Variants in ZSCAN12 observed in about 807,000 individuals in gnomAD.
ZSCAN12 encodes the protein zinc finger and SCAN domain containing 12.
In ZSCAN12, 18 loss-of-function variants were observed where a neutral mutation model predicts 23.4. The observed-to-expected ratio is 0.77, with a 90% CI of 0.53 to 1.14. The LOEUF (loss-of-function observed/expected upper bound fraction) is 1.14, where lower values mean the gene tolerates loss of function less well. Among genes scored for constraint, ZSCAN12 ranks in the 50% most tolerant of loss-of-function variants. The pLI is 0.00. For synonymous variants in ZSCAN12, 186 were observed against 253.4 expected (o/e 0.73, Z 2.53); for missense variants, 650 against 735.0 (o/e 0.88, Z 1.34).
At position 28,391,456 on chromosome 6, in the gene ZSCAN12, G is replaced by A. The variant is rs1350037243; in HGVS notation, c.834C>T (p.Asp278=). The change falls in exon 4 of 4, where the codon GAC becomes GAT. Residue 278 remains aspartate (D), a synonymous_variant. Transcript: ENST00000684592. This position sits in a 1 kb window ranked among gnomAD's most constrained non-coding sequence, Gnocchi z 4.1. ...AGTGCTGACTAAAAGCTTTTCCACAGTCATCACATCCGTAAGATTCTTCTC... is the reference window on the plus strand; with the variant it reads ...AGTGCTGACTAAAAGCTTTTCCACAATCATCACATCCGTAAGATTCTTCTC... The part of the protein sequence containing the change: ...CPGEESYGCD[D]CGKAFSQHSH... 1 of 1,551,748 alleles carries A rather than the reference G, an allele frequency of 6.4e-7. No homozygotes were observed. Among genetic ancestry groups the A allele is most frequent in the Admixed American group, 2.0e-5 (1 of 50,986 alleles).
At chr6:28,383,589 C>T (rs1038345874), downstream of ZSCAN12, among the ~76,000 whole-genome samples, 1 of 152,180 alleles carries the variant, frequency 6.6e-6, no homozygotes, top group African/African-American at 2.4e-5. Context: ...CGCGTCAGAC[C>T]CGTGCGAGGC....
At position 28,387,921 on chromosome 6, in the gene ZSCAN12, T is replaced by C. The variant is rs1760631037; in HGVS notation, c.*2533A>G. On this transcript the variant is annotated 3_prime_UTR_variant, in exon 4 of 4. Transcript: ENST00000684592. The stretch of plus-strand genomic sequence containing the variant: ...GACTTAAGATGGTACTTTAGGACAG[T>C]AGTCTACCATCGTCTCAGTTTGCTG... Among the ~76,000 whole-genome samples the C allele has an allele frequency of 6.6e-6, 1 of 152,200 alleles. No individual in the cohort carries two copies. The highest frequency in any genetic ancestry group is 2.1e-4 in the South Asian group (1 of 4,830).
chr6:28,395,462 T>C (rs1261049465), intron 2 of ZSCAN12, among the ~76,000 whole-genome samples: 2 of 152,216 alleles, frequency 1.3e-5, no homozygotes, highest in African/African-American at 4.8e-5. Context: ...CCACTCCCAC[T>C]GCTACTATTC....
At chr6:28,396,019 A>AT (rs70983941) in intron 2 of ZSCAN12, among the ~76,000 whole-genome samples, 28,812 of 132,130 alleles carry the variant, frequency 0.22, 3,516 homozygotes, top group South Asian at 0.33. Flanking sequence ...GTGTTTGTTG[A>AT]TTTTTTTTTT....
chr6:28,383,981 G>T (rs1023476420), downstream of ZSCAN12, among the ~76,000 whole-genome samples: 47 of 152,156 alleles, frequency 3.1e-4, no homozygotes, highest in African/African-American at 1.1e-3. Context: ...CTAACACTTC[G>T]TAAACTCATT....
In ZSCAN12 at chr6:28,398,761, CAA is replaced by C. The variant is rs775480746; in HGVS notation, c.-68-290_-68-289del. On this transcript the variant is annotated intron_variant, in intron 1 of 3. Transcript: ENST00000684592. ...TGAAACCCCGTCTCTACTAAAAATA[CAA>C]AAAAAAAAAAAAAAAAAAAATTAGC... Among the ~76,000 whole-genome samples, 358 of 72,766 alleles carry C rather than the reference CAA, an allele frequency of 4.9e-3. 1 individual carries two copies. The highest frequency in any genetic ancestry group is 0.015 in the African/African-American group (298 of 19,834). 47.7% of individuals were successfully genotyped at this position (72,766 alleles called of 152,430 possible).
intron 2 of ZSCAN12, among the ~76,000 whole-genome samples, chr6:28,397,387 G>A (rs1197346955): frequency 1.3e-5 from 2 of 152,136 alleles, no homozygotes; most frequent in African/African-American, 4.8e-5. Context: ...AGGAGAAAAG[G>A]TTAGGGGCAT....
chr6:28,398,166 G>GT lies in ZSCAN12; in HGVS notation c.239dup (p.His80GlnfsTer21), dbSNP rs1461970977. On this transcript the variant is annotated frameshift_variant, in exon 2 of 4. Coordinates refer to ENST00000684592, the MANE Select transcript of ZSCAN12 (RefSeq NM_001163391.2). LOFTEE classifies it high-confidence loss of function. ...GCAGCTCCAGAATCTGTTCTTTGGT[G>GT]TGGGTCTCTGGCCTCAGCCACTGAT... 8 of 1,613,930 alleles carry GT rather than the reference G, an allele frequency of 5.0e-6. No individual in the cohort carries two copies. The highest frequency in any genetic ancestry group is 6.8e-6 in the Non-Finnish European group (8 of 1,180,008).
At chr6:28,381,052 A>T (rs1056031925), downstream of ZSCAN12, 10 of 152,224 alleles carry the variant, frequency 6.6e-5, no homozygotes, top group African/African-American at 2.2e-4. Context: ...AGGGGGGTCC[A>T]ATTTGGGTGA....
intron 2 of ZSCAN12, among the ~76,000 whole-genome samples, chr6:28,393,473 A>T (rs1045535463): frequency 2.8e-5 from 2 of 71,618 alleles, no homozygotes; most frequent in Non-Finnish European, 5.1e-5. Flanking sequence ...GAGAAATGAT[A>T]AAAAAAAAAA....
downstream of ZSCAN12, among the ~76,000 whole-genome samples, chr6:28,383,722 C>G (rs1208725205): frequency 6.6e-6 from 1 of 152,180 alleles, no homozygotes; most frequent in African/African-American, 2.4e-5. Flanking sequence ...TCTCTCCTTT[C>G]CAGCTTGGGC....
rs554926183 is a variant in ZSCAN12, at chr6:28,387,923, G to A, written c.*2531C>T. Among the ~76,000 whole-genome samples the A allele has an allele frequency of 4.4e-4, 67 of 152,286 alleles. No individual in the cohort carries two copies. Among genetic ancestry groups the A allele is most frequent in the African/African-American group, 1.5e-3 (61 of 41,560 alleles). ...CTTAAGATGGTACTTTAGGACAGTA[G>A]TCTACCATCGTCTCAGTTTGCTGGC... On this transcript the variant is annotated 3_prime_UTR_variant, in exon 4 of 4. Transcript: ENST00000684592.
chr6:28,398,388 A>T lies in ZSCAN12; in HGVS notation c.18T>A (p.Ala6=), dbSNP rs1353157008. The T allele has an allele frequency of 1.3e-6, 2 of 1,547,102 alleles. No homozygotes were observed. The highest frequency in any genetic ancestry group is 4.0e-5 in the Admixed American group (2 of 50,434). MASTW[A]IQAHMDQDEP... ...CATCCTGGTCCATGTGGGCCTGGAT[A>T]GCCCAAGTAGATGCCATTTTAGCTG... Residue 6 remains alanine, a synonymous_variant, in exon 2 of 4, where the codon GCT becomes GCA. Transcript: ENST00000684592.
intron 3 of ZSCAN12, 121 bp downstream of exon 3, chr6:28,392,781 T>C: frequency 9.0e-7 from 1 of 1,105,584 alleles, no homozygotes; most frequent in Non-Finnish European, 1.3e-6. Flanking sequence ...ATATGAGCCA[T>C]CAGATTCTGA....
intron 2 of ZSCAN12, 90 bp downstream of exon 2, chr6:28,397,914 A>T (rs1293298280): frequency 1.7e-5 from 24 of 1,418,276 alleles, no homozygotes; most frequent in Non-Finnish European, 2.0e-5. Context: ...TGTCAAAAAC[A>T]TGCTTTGTGA....
rs1378209436 is a variant in ZSCAN12 at position 28,389,949 on chromosome 6, CT to C, written c.*504del. Reference sequence around the variant, plus strand: ...TATTGATTGCCCAATTTGCACGAACCTTTTACTTCAGGTTGGCTAGTCTTTT... The same window carrying C: ...TATTGATTGCCCAATTTGCACGAACCTTTACTTCAGGTTGGCTAGTCTTTT... On this transcript the variant is annotated 3_prime_UTR_variant, in exon 4 of 4. Coordinates refer to ENST00000684592, the MANE Select transcript of ZSCAN12 (RefSeq NM_001163391.2). 2.0e-5 allele frequency among the ~76,000 whole-genome samples: 3 copies of C among 152,256 alleles called. No homozygotes were observed. The highest frequency in any genetic ancestry group is 7.2e-5 in the African/African-American group (3 of 41,554).
At chr6:28,392,845 C>G in intron 3 of ZSCAN12, 57 bp downstream of exon 3, 2 of 1,530,362 alleles carry the variant, frequency 1.3e-6, no homozygotes, top group Non-Finnish European at 1.8e-6. Flanking sequence ...AAAAAAGCCC[C>G]AATGTCCTAT....
downstream of ZSCAN12, chr6:28,380,318 C>T (rs189303276): frequency 5.9e-5 from 9 of 152,338 alleles, no homozygotes; most frequent in African/African-American, 2.2e-4. Flanking sequence ...ACTCATCACA[C>T]TGGCAGGGTT....
At chr6:28,392,183 CTTTTTTT>C (rs754444783) in intron 3 of ZSCAN12, among the ~76,000 whole-genome samples, 1 of 142,790 alleles carries the variant, frequency 7.0e-6, no homozygotes, top group Non-Finnish European at 1.5e-5. Flanking sequence ...TTTTCTTTTT[CTTTTTTT>C]TTTTTTTGAG....
Sources: allele counts gnomAD v4.1 joint callset (sites outside exome capture counted in the v4.1 genomes callset), GRCh38; gene constraint gnomAD v4.1.1; non-coding constraint Gnocchi (gnomAD v3.1); transcripts MANE v1.5; gene names NCBI Gene and HGNC (gene_info 2026-07-23, HGNC 2026-07-21).